R3HDM4: variants seen among roughly 807,000 people sequenced by gnomAD.
R3HDM4 encodes R3H domain-containing protein 4.
Under a neutral mutation model 31.3 loss-of-function variants are expected in R3HDM4, and 30 were observed. That is an observed-to-expected ratio of 0.96 (90% CI 0.72 to 1.30). The LOEUF (loss-of-function observed/expected upper bound fraction) is 1.30. Ranked by LOEUF, R3HDM4 falls within the 50% of genes most tolerant of loss-of-function variation. The pLI is 0.00. For missense variants in R3HDM4, 444 were observed against 366.1 expected (o/e 1.21, Z -1.74); for synonymous variants, 196 against 156.6 (o/e 1.25, Z -1.88).
chr19:910,532 C>T lies in R3HDM4; in HGVS notation c.71+2555G>A, dbSNP rs145678410. ...CTGTAATCCCAACACTTTGGGAGGC[C>T]GAGGAGGCAGGATGGCTTGAGCCCA... On this transcript the variant is annotated intron_variant, in intron 1 of 7. Transcript: ENST00000361574. 3.6e-4 allele frequency among the ~76,000 whole-genome samples: 55 copies of T among 151,812 alleles called. No homozygotes were observed. In the East Asian group the frequency reaches 7.0e-3, roughly 19 times the overall value.
At chr19:902,203 C>T in intron 1 of R3HDM4, 73 bp from the exon 2 acceptor site, 3 of 1,556,362 alleles carry the variant, frequency 1.9e-6, no homozygotes, top group Non-Finnish European at 2.6e-6. Flanking sequence ...CTACCACAGC[C>T]ATGGCCCGCT....
rs375154265 is a variant in R3HDM4, at chr19:900,157, G to C, written c.476-11C>G. 1.7e-5 allele frequency: 26 copies of C among 1,548,572 alleles called. No individual in the cohort carries two copies. The highest frequency in any genetic ancestry group is 2.8e-5 in the African/African-American group (2 of 72,260). On this transcript the variant is annotated splice_polypyrimidine_tract_variant and intron_variant, in intron 4 of 7. Coordinates refer to ENST00000361574, the MANE Select transcript of R3HDM4 (RefSeq NM_138774.4). Reference sequence around the variant, plus strand: ...TATAGGCGGGGTCCTCTGCAGGAGTGGGGGAACAAGGGGCAGTCTTGGGGT... The same window carrying C: ...TATAGGCGGGGTCCTCTGCAGGAGTCGGGGAACAAGGGGCAGTCTTGGGGT...
chr19:897,403 G>A lies in R3HDM4; in HGVS notation c.*34C>T, dbSNP rs2036752720. 10 of 1,472,920 alleles carry A rather than the reference G, an allele frequency of 6.8e-6. No individual in the cohort carries two copies. Among genetic ancestry groups the A allele is most frequent in the Middle Eastern group, 1.8e-4 (1 of 5,686 alleles). 91.2% of individuals were successfully genotyped at this position (1,472,920 alleles called of 1,614,324 possible). On this transcript the variant is annotated 3_prime_UTR_variant, in exon 8 of 8. Coordinates refer to ENST00000361574, the MANE Select transcript of R3HDM4 (RefSeq NM_138774.4). ...AGGTATCGGAGGGCTTGATGGCTGG[G>A]CGAGGTGGCAGCGGGGTCTCCGCGG...
At chr19:911,260 A>G (rs902440122) in intron 1 of R3HDM4, among the ~76,000 whole-genome samples, 2 of 152,216 alleles carry the variant, frequency 1.3e-5, no homozygotes, top group African/African-American at 4.8e-5. Context: ...CCTGGCCAAC[A>G]TGATGAAACC....
chr19:900,548 T>A (rs2036815469), intron 4 of R3HDM4, among the ~76,000 whole-genome samples: 1 of 136,680 alleles, frequency 7.3e-6, no homozygotes, highest in Non-Finnish European at 1.6e-5. Context: ...CATTGCCCTG[T>A]CCCCATCCAT....
chr19:906,424 C>T (rs2036906708), intron 1 of R3HDM4, among the ~76,000 whole-genome samples: 1 of 152,026 alleles, frequency 6.6e-6, no homozygotes, highest in African/African-American at 2.4e-5. Context: ...TTTACCGTGT[C>T]AGCCAGAATG....
Position 899,171 on chromosome 19 carries a change from G to A in R3HDM4, c.703+269C>T, listed in dbSNP as rs577576401. ...ATCCAGGCTTCATCACCCCCACCCCGGGCCCCGAAGATGCAGATGGAGGAG... is the reference window on the plus strand; with the variant it reads ...ATCCAGGCTTCATCACCCCCACCCCAGGCCCCGAAGATGCAGATGGAGGAG... On this transcript the variant is annotated intron_variant, in intron 7 of 7. Coordinates refer to ENST00000361574, the MANE Select transcript of R3HDM4 (RefSeq NM_138774.4). The surrounding 1 kb of genome is among the most constrained non-coding windows in gnomAD (Gnocchi z 6.8). Among the ~76,000 whole-genome samples, 3 of 152,092 alleles carry A rather than the reference G, an allele frequency of 2.0e-5. No individual in the cohort carries two copies. The highest frequency in any genetic ancestry group is 7.2e-5 in the African/African-American group (3 of 41,480).
chr19:903,700 G>A (rs1007099822), intron 1 of R3HDM4, among the ~76,000 whole-genome samples: 5 of 152,198 alleles, frequency 3.3e-5, no homozygotes, highest in African/African-American at 1.2e-4. Flanking sequence ...AGGCTGCGGT[G>A]AGCTGTGACT....
intron 1 of R3HDM4, among the ~76,000 whole-genome samples, chr19:912,458 G>A (rs1191698224): frequency 1.7e-5 from 2 of 116,454 alleles, no homozygotes; most frequent in East Asian, 2.5e-4. Flanking sequence ...GGAGTTGGGG[G>A]GCTGACCCGA....
rs199527793 is a variant in R3HDM4, at chr19:901,575, G to A, written c.227-29C>T. ...GGTGGAAACAGATGCTCTCTGGGCC[G>A]GGGTGGCATTTGGGGACCCCCAGGC... On this transcript the variant is annotated intron_variant, in intron 2 of 7. Transcript: ENST00000361574. 130 of 1,586,072 alleles carry A rather than the reference G, an allele frequency of 8.2e-5. No individual in the cohort carries two copies. The East Asian group carries it at 9.0e-4, about 11-fold the overall frequency.
At chr19:911,132 CAAAT>C (rs920792477) in intron 1 of R3HDM4, among the ~76,000 whole-genome samples, 3 of 144,304 alleles carry the variant, frequency 2.1e-5, no homozygotes, top group Non-Finnish European at 4.6e-5. Context: ...AAAAAATAAA[CAAAT>C]AAATAAATAA....
chr19:901,297 G>C (rs1266431993), intron 3 of R3HDM4, 125 bp downstream of exon 3: 2 of 1,066,438 alleles, frequency 1.9e-6, no homozygotes, highest in Non-Finnish European at 2.7e-6. Flanking sequence ...AGACTGAGGG[G>C]CCTTCATTAG....
chr19:905,621 G>A (rs1599361253), intron 1 of R3HDM4, among the ~76,000 whole-genome samples: 1 of 150,292 alleles, frequency 6.7e-6, no homozygotes. Context: ...GGAGGTGGAG[G>A]TTGCAGTGAG....
intron 7 of R3HDM4, 75 bp from the exon 8 acceptor site, chr19:897,615 A>ACCACC: frequency 8.6e-7 from 1 of 1,158,788 alleles, no homozygotes; most frequent in Non-Finnish European, 1.2e-6. Flanking sequence ...TCGGACCTGC[A>ACCACC]CCACCCTCGC....
rs1038596047 is a variant in R3HDM4 at position 901,970 on chromosome 19, G to T, written c.226+6C>A. The T allele has an allele frequency of 6.2e-7, 1 of 1,613,322 alleles. No individual in the cohort carries two copies. The highest frequency in any genetic ancestry group is 8.5e-7 in the Non-Finnish European group (1 of 1,179,996). On this transcript the variant is annotated splice_donor_region_variant and intron_variant, in intron 2 of 7. Coordinates refer to ENST00000361574, the MANE Select transcript of R3HDM4 (RefSeq NM_138774.4). ...CCCCAGGAGGCGCCTCCCGACCCCT[G>T]CTCACTGTTCTCCAGGCGCTGGAGG... is the stretch of plus-strand genomic sequence containing the variant.
Position 899,457 on chromosome 19 carries a change from A to G in R3HDM4, c.686T>C (p.Met229Thr), listed in dbSNP as rs201063323. 5.0e-6 allele frequency: 8 copies of G among 1,613,654 alleles called. No individual in the cohort carries two copies. The Admixed American group carries it at 1.2e-4, about 24-fold the overall frequency. The change falls in exon 7 of 8, where the codon ATG (methionine) becomes ACG (threonine). Residue 229 changes from methionine (M) to threonine (T), a missense_variant. Coordinates refer to ENST00000361574, the MANE Select transcript of R3HDM4 (RefSeq NM_138774.4). The surrounding 1 kb of genome is among the most constrained non-coding windows in gnomAD (Gnocchi z 6.8). ...RLLLHAVCQY[M>T]DLISASADLE... ...GCACTTACTGGCCGAGATGAGGTCC[A>G]TGTACTGGCAGACAGCGTGCAGCAG...
chr19:903,715 T>C (rs1305066759), intron 1 of R3HDM4, among the ~76,000 whole-genome samples: 1 of 152,064 alleles, frequency 6.6e-6, no homozygotes, highest in East Asian at 1.9e-4. Context: ...GTGACTGCAA[T>C]ACCGCGCGCT....
intron 1 of R3HDM4, among the ~76,000 whole-genome samples, chr19:903,599 G>C (rs2036865168): frequency 6.6e-6 from 1 of 152,186 alleles, no homozygotes; most frequent in African/African-American, 2.4e-5. Flanking sequence ...TTCTGGCAAG[G>C]AAAAACCACA....
chr19:899,454 T>C lies in R3HDM4; in HGVS notation c.689A>G (p.Asp230Gly). The change falls in exon 7 of 8, where the codon GAC becomes GGC. Residue 230 changes from aspartate (D) to glycine (G), a missense_variant. By Grantham distance (94) the Asp-to-Gly change is moderately conservative (BLOSUM62 -1). Transcript: ENST00000361574. This position sits in a 1 kb window ranked among gnomAD's most constrained non-coding sequence, Gnocchi z 6.8. Reference protein sequence around the residue: ...LLLHAVCQYMDLISASADLEG... With the variant: ...LLLHAVCQYMGLISASADLEG... ...CCGGCACTTACTGGCCGAGATGAGG[T>C]CCATGTACTGGCAGACAGCGTGCAG... 1 of 1,613,460 alleles carries C rather than the reference T, an allele frequency of 6.2e-7. No individual in the cohort carries two copies. The highest frequency in any genetic ancestry group is 8.5e-7 in the Non-Finnish European group (1 of 1,179,884).
Sources: gnomAD v4.1 joint callset for allele counts (sites outside exome capture counted in the v4.1 genomes callset) on GRCh38, gnomAD v4.1.1 for gene constraint, Gnocchi (gnomAD v3.1) non-coding constraint, MANE v1.5 for transcripts, NCBI Gene and HGNC (gene_info 2026-07-23, HGNC 2026-07-21) for gene names.